Variants in LAMA2 observed in about 807,000 individuals in gnomAD.
The protein encoded by LAMA2 is laminin subunit alpha 2, also known as laminin subunit alpha-2.
Under a neutral mutation model 364.8 loss-of-function variants are expected in LAMA2, and 269 were observed. The observed-to-expected ratio is 0.74, with a 90% CI of 0.67 to 0.82. LAMA2 has a LOEUF of 0.82. LAMA2 is among the 40% of genes least tolerant of loss of function. LAMA2 has a pLI of 0.00. For missense variants in LAMA2, 3,807 were observed against 3,873.2 expected, an observed-to-expected ratio of 0.98 and a Z score of 0.45; for synonymous variants, 1,379 against 1,370.6, an observed-to-expected ratio of 1.01 and a Z score of -0.14.
At chr6:128,956,258 C>T (rs1255327329) in intron 1 of LAMA2, among the ~76,000 whole-genome samples, 1 of 151,922 alleles carries the variant, frequency 6.6e-6, no homozygotes, top group Non-Finnish European at 1.5e-5. Context: ...TTTAAAATCT[C>T]CAACCTGACT....
intron 29 of LAMA2, among the ~76,000 whole-genome samples, chr6:129,330,574 T>C (rs1245843986): frequency 6.7e-6 from 1 of 149,136 alleles, no homozygotes; most frequent in Non-Finnish European, 1.5e-5. Flanking sequence ...ATTTGAAGCG[T>C]TTTTTTGTTG....
intron 1 of LAMA2, among the ~76,000 whole-genome samples, chr6:129,017,509 C>A (rs1326171673): frequency 6.6e-6 from 1 of 151,828 alleles, no homozygotes; most frequent in African/African-American, 2.4e-5. Flanking sequence ...GACAGGTGAA[C>A]TTTGGTAACA....
At chr6:128,935,585 T>C (rs1779767360) in intron 1 of LAMA2, among the ~76,000 whole-genome samples, 1 of 152,166 alleles carries the variant, frequency 6.6e-6, no homozygotes, top group Non-Finnish European at 1.5e-5. Context: ...TAATTCTTTT[T>C]TGGATAATTT....
intron 35 of LAMA2, among the ~76,000 whole-genome samples, chr6:129,384,383 G>A (rs1778861717): frequency 6.6e-6 from 1 of 152,136 alleles, no homozygotes; most frequent in African/African-American, 2.4e-5. Flanking sequence ...CAATGCTCCA[G>A]GAACTTTCCT....
chr6:129,076,513 A>ATATT (rs1562216909), intron 3 of LAMA2, among the ~76,000 whole-genome samples: 284 of 142,698 alleles, frequency 2.0e-3, no homozygotes, highest in African/African-American at 7.0e-3. Flanking sequence ...ATATATATAT[A>ATATT]ATATATATAA....
At chr6:129,096,057 C>T in intron 3 of LAMA2, among the ~76,000 whole-genome samples, 1 of 152,178 alleles carries the variant, frequency 6.6e-6, no homozygotes, top group East Asian at 1.9e-4. Flanking sequence ...CAAGATATTT[C>T]ATATTTTATA....
At chr6:129,312,834 T>C (rs1402923684) in intron 22 of LAMA2, 27 bp from the exon 23 acceptor site, 1 of 1,473,482 alleles carries the variant, frequency 6.8e-7, no homozygotes, top group Admixed American at 1.7e-5. Context: ...GTTGTGTTAA[T>C]GGTTGCTGTT....
intron 1 of LAMA2, among the ~76,000 whole-genome samples, chr6:129,009,886 A>G (rs1266299115): frequency 1.3e-5 from 2 of 152,166 alleles, no homozygotes; most frequent in Non-Finnish European, 1.5e-5. Flanking sequence ...ATATGGCAGG[A>G]TCCTCTTTCC....
intron 1 of LAMA2, among the ~76,000 whole-genome samples, chr6:128,965,194 A>G (rs1417639123): frequency 2.0e-5 from 3 of 152,026 alleles, no homozygotes; most frequent in African/African-American, 7.2e-5. Flanking sequence ...AGCAATTGGA[A>G]AGAAGGGTTT....
At chr6:129,507,133 A>C (rs1583927256) in intron 61 of LAMA2, among the ~76,000 whole-genome samples, 1 of 132,768 alleles carries the variant, frequency 7.5e-6, no homozygotes, top group Admixed American at 7.7e-5. Flanking sequence ...AAGGTTAATA[A>C]ACTATTAATA....
intron 3 of LAMA2, among the ~76,000 whole-genome samples, chr6:129,091,700 C>T (rs957865247): frequency 6.6e-6 from 1 of 152,186 alleles, no homozygotes; most frequent in Non-Finnish European, 1.5e-5. Context: ...CAAGCTCCTC[C>T]TGAACTCCCC....
intron 3 of LAMA2, among the ~76,000 whole-genome samples, chr6:129,080,027 C>T (rs1009735825): frequency 6.6e-6 from 1 of 152,034 alleles, no homozygotes; most frequent in Non-Finnish European, 1.5e-5. Context: ...TTAAATGTAA[C>T]ATATGAATAC....
chr6:129,207,962 T>C (rs1468793623), intron 12 of LAMA2, among the ~76,000 whole-genome samples: 1 of 152,112 alleles, frequency 6.6e-6, no homozygotes, highest in East Asian at 1.9e-4. Context: ...AGGGAACTGG[T>C]TGGGATTCTG....
intron 40 of LAMA2, among the ~76,000 whole-genome samples, chr6:129,422,380 A>G (rs1055199106): frequency 6.6e-6 from 1 of 152,246 alleles, no homozygotes; most frequent in East Asian, 1.9e-4. Flanking sequence ...GTATCAGTAC[A>G]TAGCCTTCAG....
chr6:129,372,609 C>A, intron 34 of LAMA2, among the ~76,000 whole-genome samples: 1 of 152,198 alleles, frequency 6.6e-6, no homozygotes, highest in African/African-American at 2.4e-5. Flanking sequence ...CTGTAAACAT[C>A]TTTGTGCAGA....
chr6:129,304,357 G>A (rs751909736), intron 22 of LAMA2, among the ~76,000 whole-genome samples: 10 of 152,052 alleles, frequency 6.6e-5, no homozygotes, highest in Non-Finnish European at 5.9e-5. Flanking sequence ...TCCGCCTCCC[G>A]GGTTCACGCC....
chr6:129,481,195 G>A lies in LAMA2; in HGVS notation c.7573-68G>A, dbSNP rs1454487173. 1.6e-5 allele frequency: 19 copies of A among 1,212,784 alleles called. No homozygotes were observed. In the South Asian group the frequency reaches 2.1e-4, roughly 13 times the overall value. The allele number at this position is 1,212,784 out of a possible 1,614,324, so 75.1% of individuals were successfully genotyped here. A position where few individuals can be genotyped will look rare whatever the true frequency, so the allele number is the denominator to read the frequency against. On this transcript the variant is annotated intron_variant, in intron 54 of 64. Transcript: ENST00000421865. Reference sequence around the variant, plus strand: ...ACATTAATTGCATCGAGGAGGGTGAGTGAGATGGAGAACTTATTTAAATTT... The same window carrying A: ...ACATTAATTGCATCGAGGAGGGTGAATGAGATGGAGAACTTATTTAAATTT...
At chr6:129,167,424 T>A (rs2114996337) in intron 9 of LAMA2, among the ~76,000 whole-genome samples, 1 of 151,830 alleles carries the variant, frequency 6.6e-6, no homozygotes, top group East Asian at 2.0e-4. Context: ...TGGTTTTTTG[T>A]TCTTGCAATC....
At chr6:129,010,184 G>C (rs1784678078) in intron 1 of LAMA2, among the ~76,000 whole-genome samples, 1 of 152,148 alleles carries the variant, frequency 6.6e-6, no homozygotes, top group Admixed American at 6.5e-5. Context: ...TCTACCTGGT[G>C]AACCAGAATG....
Sources: gnomAD v4.1 joint callset for allele counts (sites outside exome capture counted in the v4.1 genomes callset) on GRCh38, gnomAD v4.1.1 for gene constraint, MANE v1.5 for transcripts, NCBI Gene and HGNC (gene_info 2026-07-23, HGNC 2026-07-21) for gene names.